BNC2: variants seen among roughly 807,000 people sequenced by gnomAD.
BNC2 encodes the protein zinc finger protein basonuclin-2.
In BNC2, 20 loss-of-function variants were observed where a neutral mutation model predicts 76.3. That is an observed-to-expected ratio of 0.26 (90% confidence interval 0.18 to 0.38). The LOEUF is 0.38. Ranked by LOEUF, BNC2 falls within the 10% of genes least tolerant of loss-of-function variation. The pLI is 1.00. For synonymous variants in BNC2, 582 were observed against 514.8 expected, an observed-to-expected ratio of 1.13 and a Z score of -1.77; for missense variants, 1,382 against 1,399.8, an observed-to-expected ratio of 0.99 and a Z score of 0.20.
At chr9:16,727,765 GAA>G (rs201607578) in intron 3 of BNC2, 30 bp downstream of exon 3, 2 of 1,505,054 alleles carry the variant, frequency 1.3e-6, no homozygotes, top group Non-Finnish European at 1.8e-6. Context: ...TTAAAAAAAA[GAA>G]AAAAAAAATC....
At chr9:16,486,154 G>GC (rs1327053600) in intron 5 of BNC2, among the ~76,000 whole-genome samples, 2 of 152,196 alleles carry the variant, frequency 1.3e-5, no homozygotes, top group African/African-American at 4.8e-5. Flanking sequence ...TTGTTTTAAT[G>GC]CAAAGAACTT....
Position 16,415,045 on chromosome 9 carries a change from T to A in BNC2, c.*3944A>T, listed in dbSNP as rs1044916990. On this transcript the variant is annotated 3_prime_UTR_variant, in exon 7 of 7. Coordinates refer to ENST00000380672, the MANE Select transcript of BNC2 (RefSeq NM_017637.6). ...CAAAGAAATAACACTATGAGGACAGTGGCACCATTGTGCCAAAAAGGTTTT... is the reference window on the plus strand; with the variant it reads ...CAAAGAAATAACACTATGAGGACAGAGGCACCATTGTGCCAAAAAGGTTTT... The A allele has an allele frequency of 2.6e-5, 4 of 151,916 alleles. No homozygotes were observed. Among genetic ancestry groups the A allele is most frequent in the African/African-American group, 9.7e-5 (4 of 41,364 alleles). 9.4% of individuals were successfully genotyped at this position (151,916 alleles called of 1,614,324 possible).
chr9:16,456,526 G>A (rs1471196495), intron 5 of BNC2, among the ~76,000 whole-genome samples: 67 of 97,582 alleles, frequency 6.9e-4, no homozygotes, highest in Non-Finnish European at 1.1e-4. Flanking sequence ...GCAAGACTCC[G>A]TCTCAAAAAA....
intron 3 of BNC2, among the ~76,000 whole-genome samples, chr9:16,701,055 TG>T (rs1359550291): frequency 6.6e-6 from 1 of 152,182 alleles, no homozygotes; most frequent in Non-Finnish European, 1.5e-5. Flanking sequence ...ACTGAAGAGT[TG>T]CACTAGGCCC....
chr9:16,473,833 A>C (rs74335656), intron 5 of BNC2, among the ~76,000 whole-genome samples: 2 of 152,308 alleles, frequency 1.3e-5, no homozygotes, highest in African/African-American at 4.8e-5. Flanking sequence ...AGATTGTGCC[A>C]CTGCACTCCA....
chr9:16,774,691 C>G (rs1376554643), intron 1 of BNC2, among the ~76,000 whole-genome samples: 1 of 152,192 alleles, frequency 6.6e-6, no homozygotes, highest in South Asian at 2.1e-4. Flanking sequence ...TACTGAATAT[C>G]TGACTACAGA....
intron 5 of BNC2, among the ~76,000 whole-genome samples, chr9:16,440,256 T>C (rs1178046041): frequency 1.3e-5 from 2 of 152,164 alleles, no homozygotes; most frequent in Non-Finnish European, 2.9e-5. Flanking sequence ...ACTCTAAGTT[T>C]AGAGTGTGTC....
chr9:16,849,086 A>C (rs2136143907), intron 1 of BNC2, among the ~76,000 whole-genome samples: 1 of 152,274 alleles, frequency 6.6e-6, no homozygotes, highest in African/African-American at 2.4e-5. Flanking sequence ...TATGTCCAAC[A>C]CAGGTTGTTC....
rs1212737926 is a variant in BNC2, at chr9:16,416,261, A to C, written c.*2728T>G. On this transcript the variant is annotated 3_prime_UTR_variant, in exon 7 of 7. Transcript: ENST00000380672. ...AATGTGTATTTATTTTCATAAAACT[A>C]CATGTAGTCTATGCACACTGCAAAA... 4 of 152,594 alleles carry C rather than the reference A, an allele frequency of 2.6e-5. No individual in the cohort carries two copies. The highest frequency in any genetic ancestry group is 2.6e-4 in the Admixed American group (4 of 15,280). The allele number at this position is 152,594 out of a possible 1,614,324, so 9.5% of individuals were successfully genotyped here.
chr9:16,673,854 C>T (rs895485468), intron 3 of BNC2, among the ~76,000 whole-genome samples: 26 of 152,078 alleles, frequency 1.7e-4, no homozygotes, highest in African/African-American at 5.3e-4. Flanking sequence ...GTCTCCCCAG[C>T]GTTGCTGTTT....
chr9:16,769,607 C>T (rs1424359283), intron 1 of BNC2, among the ~76,000 whole-genome samples: 4 of 152,172 alleles, frequency 2.6e-5, no homozygotes, highest in Admixed American at 1.3e-4. Flanking sequence ...GGGAATGAGA[C>T]CAGGCTTGGA....
At chr9:16,659,479 A>ATG (rs1554700233) in intron 3 of BNC2, among the ~76,000 whole-genome samples, 1 of 151,960 alleles carries the variant, frequency 6.6e-6, no homozygotes, top group Non-Finnish European at 1.5e-5. Context: ...GTGGTGGTGC[A>ATG]TGCCTGTAAT....
intron 1 of BNC2, among the ~76,000 whole-genome samples, chr9:16,855,118 A>T (rs1053567989): frequency 5.5e-4 from 84 of 151,564 alleles, no homozygotes; most frequent in African/African-American, 2.0e-3. Flanking sequence ...ATACAGATAC[A>T]TACATGTTCA....
intron 2 of BNC2, among the ~76,000 whole-genome samples, chr9:16,730,756 C>G (rs976176498): frequency 6.6e-6 from 1 of 152,168 alleles, no homozygotes; most frequent in Non-Finnish European, 1.5e-5. Context: ...GCCTTAAAAG[C>G]AGCAGGATAT....
chr9:16,487,883 G>A (rs1237266849), intron 5 of BNC2, among the ~76,000 whole-genome samples: 1 of 152,158 alleles, frequency 6.6e-6, no homozygotes, highest in East Asian at 1.9e-4. Context: ...CAACCCATGA[G>A]GAAGCCACTT....
intron 5 of BNC2, among the ~76,000 whole-genome samples, chr9:16,452,554 C>T (rs975920103): frequency 6.6e-6 from 1 of 152,212 alleles, no homozygotes; most frequent in Admixed American, 6.5e-5. Flanking sequence ...GGATTATAGA[C>T]GCCTGCTGCC....
intron 3 of BNC2, among the ~76,000 whole-genome samples, chr9:16,600,940 A>G (rs1037889279): frequency 2.0e-5 from 3 of 152,208 alleles, no homozygotes; most frequent in Non-Finnish European, 4.4e-5. Context: ...AACGCCTTCA[A>G]TGTGAAAGTG....
chr9:16,583,419 T>C (rs1011932496), intron 3 of BNC2, among the ~76,000 whole-genome samples: 2 of 152,172 alleles, frequency 1.3e-5, no homozygotes, highest in Non-Finnish European at 2.9e-5. Context: ...GCTGCTAATA[T>C]ATATTTCCAC....
At chr9:16,575,871 C>T (rs1169006696) in intron 4 of BNC2, among the ~76,000 whole-genome samples, 1 of 152,198 alleles carries the variant, frequency 6.6e-6, no homozygotes, top group Non-Finnish European at 1.5e-5. Flanking sequence ...GAGAATTTTG[C>T]AGCTAGGCAA....
Sources: allele counts gnomAD v4.1 joint callset (sites outside exome capture counted in the v4.1 genomes callset), GRCh38; gene constraint gnomAD v4.1.1; transcripts MANE v1.5; gene names NCBI Gene and HGNC (gene_info 2026-07-23, HGNC 2026-07-21).